Variants in PAN3 observed in about 807,000 individuals in gnomAD.
PAN3 encodes PAN2-PAN3 deadenylation complex subunit PAN3.
PAN3 carries 19 observed loss-of-function variants against 96.2 expected under a neutral mutation model. That is an observed-to-expected ratio of 0.20 (90% CI 0.14 to 0.29). The LOEUF (loss-of-function observed/expected upper bound fraction) is 0.29. Among genes scored for constraint, PAN3 ranks in the 10% least tolerant of loss-of-function variants. The probability of loss-of-function intolerance (pLI) is 1.00; values close to 1 mark genes in which losing one functional copy is unlikely to be tolerated. For missense variants in PAN3, 882 were observed against 1,108.1 expected (o/e 0.80, Z 2.90); for synonymous variants, 433 against 406.6 (o/e 1.06, Z -0.78).
At chr13:28,278,714 T>C (rs960429328) in intron 15 of PAN3, among the ~76,000 whole-genome samples, 3 of 152,056 alleles carry the variant, frequency 2.0e-5, no homozygotes, top group Non-Finnish European at 4.4e-5. Context: ...CTCTATAAAT[T>C]AGATACCATT....
At position 28,294,565 on chromosome 13, in the gene PAN3, C is replaced by G. The variant is rs1409197146; in HGVS notation, c.*2043C>G. ...ACTTTTTGAAAATTTAATTTGTGGA[C>G]CAATGTTTTGTGAAAGCTAAAGAGG... On this transcript the variant is annotated 3_prime_UTR_variant, in exon 19 of 19. Transcript: ENST00000380958. 1 of 152,412 alleles carries G rather than the reference C, an allele frequency of 6.6e-6. No homozygotes were observed. The highest frequency in any genetic ancestry group is 1.5e-5 in the Non-Finnish European group (1 of 68,008). 9.4% of individuals were successfully genotyped at this position (152,412 alleles called of 1,614,324 possible). A position where few individuals can be genotyped will look rare whatever the true frequency, so the allele number is the denominator to read the frequency against.
intron 6 of PAN3, among the ~76,000 whole-genome samples, chr13:28,237,883 G>T (rs1883254739): frequency 6.6e-6 from 1 of 152,038 alleles, no homozygotes. Flanking sequence ...ATGCACAATG[G>T]TGACAAGAGA....
intron 9 of PAN3, among the ~76,000 whole-genome samples, chr13:28,262,990 G>A (rs912034804): frequency 6.6e-6 from 1 of 152,160 alleles, no homozygotes; most frequent in African/African-American, 2.4e-5. Context: ...CAATTTTTCT[G>A]AACTGACATG....
chr13:28,207,161 A>C (rs961306137), intron 5 of PAN3, among the ~76,000 whole-genome samples: 21 of 152,300 alleles, frequency 1.4e-4, no homozygotes, highest in South Asian at 1.0e-3. Context: ...ACTTATTCAC[A>C]ACTATATGCC....
At chr13:28,234,967 C>A (rs1882944889) in intron 6 of PAN3, among the ~76,000 whole-genome samples, 1 of 152,060 alleles carries the variant, frequency 6.6e-6, no homozygotes. Context: ...TGTATAATAA[C>A]AAAAGTAATC....
chr13:28,158,247 T>G (rs1447866553), intron 1 of PAN3, among the ~76,000 whole-genome samples: 2 of 152,110 alleles, frequency 1.3e-5, no homozygotes, highest in Non-Finnish European at 2.9e-5. Flanking sequence ...ATAAAAACCC[T>G]TGAAAACCTA....
intron 7 of PAN3, among the ~76,000 whole-genome samples, chr13:28,260,222 C>A (rs944676565): frequency 2.6e-5 from 4 of 151,862 alleles, no homozygotes; most frequent in Non-Finnish European, 2.9e-5. Flanking sequence ...CATGGTGAAA[C>A]CCTGTCTCTA....
chr13:28,239,157 C>A (rs1281365358), intron 6 of PAN3, among the ~76,000 whole-genome samples: 1 of 5,552 alleles, frequency 1.8e-4, no homozygotes, highest in African/African-American at 5.0e-4. Flanking sequence ...CCCCCCACCC[C>A]CGCCAACACA....
At chr13:28,152,216 T>TA (rs1000424499) in intron 1 of PAN3, among the ~76,000 whole-genome samples, 5 of 151,778 alleles carry the variant, frequency 3.3e-5, no homozygotes, top group African/African-American at 7.3e-5. Flanking sequence ...AACTAGCCCT[T>TA]AAAAAAAAGG....
intron 15 of PAN3, 101 bp from the exon 16 acceptor site, chr13:28,280,311 G>C: frequency 7.5e-7 from 1 of 1,328,462 alleles, no homozygotes; most frequent in South Asian, 1.6e-5. Context: ...TCAAAATTTT[G>C]TGTGCTAAGA....
chr13:28,194,466 A>ATTTTTT (rs1284832933), intron 4 of PAN3, among the ~76,000 whole-genome samples: 4 of 122,134 alleles, frequency 3.3e-5, no homozygotes, highest in African/African-American at 7.2e-5. Flanking sequence ...ATATATATAT[A>ATTTTTT]TTTTTTTTTT....
intron 6 of PAN3, among the ~76,000 whole-genome samples, chr13:28,232,999 A>G (rs943914569): frequency 6.6e-6 from 1 of 152,174 alleles, no homozygotes; most frequent in Non-Finnish European, 1.5e-5. Flanking sequence ...TACAGATTAG[A>G]ATACTATTAT....
At position 28,248,572 on chromosome 13, in the gene PAN3, C is replaced by T. The variant is rs140334743; in HGVS notation, c.1001-7720C>T. 3.5e-3 allele frequency among the ~76,000 whole-genome samples: 526 copies of T among 152,014 alleles called. 2 individuals carry two copies. The highest frequency in any genetic ancestry group is 5.5e-3 in the Non-Finnish European group (372 of 67,968). ...CAGGGACTCGCTCTGTCACTCAGAC[C>T]GGAGTTCAGTGGTGCAATGTTGGCT... On this transcript the variant is annotated intron_variant, in intron 6 of 18. Transcript: ENST00000380958.
chr13:28,249,177 T>A (rs537539009), intron 6 of PAN3, among the ~76,000 whole-genome samples: 12 of 152,216 alleles, frequency 7.9e-5, no homozygotes, highest in Non-Finnish European at 1.8e-4. Flanking sequence ...ATTTCTTGCA[T>A]CTGCTCCACT....
chr13:28,281,431 G>A (rs1887459662), intron 17 of PAN3, 52 bp downstream of exon 17: 2 of 1,463,828 alleles, frequency 1.4e-6, no homozygotes, highest in Middle Eastern at 1.8e-4. Flanking sequence ...GCACTATTTT[G>A]CATAATAAGA....
In PAN3 at chr13:28,140,329, T is replaced by C. The variant is rs185848793; in HGVS notation, c.430+1242T>C. Among the ~76,000 whole-genome samples, 84 of 152,318 alleles carry C rather than the reference T, an allele frequency of 5.5e-4. 2 individuals are homozygous for C. In the East Asian group the frequency reaches 0.014, roughly 26 times the overall value. ...GAATAGAGCCGGTGCCAGATGTCCC[T>C]GTTTTGTTTCTTAGTATATTGAGCG... On this transcript the variant is annotated intron_variant, in intron 1 of 18. Coordinates refer to ENST00000380958, the MANE Select transcript of PAN3 (RefSeq NM_175854.8).
At chr13:28,151,030 A>G (rs942311972) in intron 1 of PAN3, among the ~76,000 whole-genome samples, 1 of 152,220 alleles carries the variant, frequency 6.6e-6, no homozygotes, top group African/African-American at 2.4e-5. Flanking sequence ...TAGGGATATC[A>G]AGGTAAACCT....
intron 1 of PAN3, among the ~76,000 whole-genome samples, chr13:28,155,712 ACATCT>A (rs1349347096): frequency 3.3e-5 from 5 of 152,350 alleles, no homozygotes; most frequent in African/African-American, 7.2e-5. Context: ...ATATATATAC[ACATCT>A]CATATATACA....
intron 7 of PAN3, among the ~76,000 whole-genome samples, chr13:28,257,158 C>G (rs1452874552): frequency 6.6e-6 from 1 of 151,748 alleles, no homozygotes; most frequent in Admixed American, 6.6e-5. Flanking sequence ...AAGAGGTGGC[C>G]CCAGAGGAAA....
Sources: allele counts gnomAD v4.1 joint callset (sites outside exome capture counted in the v4.1 genomes callset), GRCh38; gene constraint gnomAD v4.1.1; transcripts MANE v1.5; gene names NCBI Gene and HGNC (gene_info 2026-07-23, HGNC 2026-07-21).